CDC42EP4: variants seen among roughly 807,000 people sequenced by gnomAD.
The protein encoded by CDC42EP4 is CDC42 effector protein (Rho GTPase binding) 4.
Under a neutral mutation model 5.6 loss-of-function variants are expected in CDC42EP4, and 6 were observed. That is an observed-to-expected ratio of 1.07 (90% confidence interval 0.59 to 2.12). The LOEUF is 2.12. CDC42EP4 is among the 30% of genes most tolerant of loss of function. The probability of loss-of-function intolerance (pLI) is 0.00; values close to 1 mark genes in which losing one functional copy is unlikely to be tolerated. For missense variants in CDC42EP4, 490 were observed against 508.6 expected (o/e 0.96, Z 0.35); for synonymous variants, 230 against 224.2 (o/e 1.03, Z -0.23).
chr17:73,285,592 G>T lies in CDC42EP4; in HGVS notation c.909C>A (p.Thr303=). The T allele has an allele frequency of 6.2e-7, 1 of 1,610,506 alleles. No individual in the cohort carries two copies. The highest frequency in any genetic ancestry group is 8.5e-7 in the Non-Finnish European group (1 of 1,178,622). ...TGGAGAGGGAGCTGCTGTCCCGTGT[G>T]GTGTGGCTGCCCATGCTGCGGGCTG... ...PGSARSMGSH[T]TRDSSSLSSC... is the part of the protein sequence containing the mutation. Residue 303 remains threonine, a synonymous_variant, in exon 2 of 2, where the codon ACC becomes ACA. Coordinates refer to ENST00000335793, the MANE Select transcript of CDC42EP4 (RefSeq NM_012121.5). The surrounding 1 kb of genome is among the most constrained non-coding windows in gnomAD (Gnocchi z 6.8).
At chr17:73,307,931 G>A (rs1028778539) in intron 1 of CDC42EP4, among the ~76,000 whole-genome samples, 3 of 150,850 alleles carry the variant, frequency 2.0e-5, no homozygotes, top group Non-Finnish European at 4.4e-5. Context: ...TAGTAGAGAC[G>A]GGGTTTCACC....
At chr17:73,293,793 G>A (rs1568342196) in intron 1 of CDC42EP4, among the ~76,000 whole-genome samples, 1 of 152,216 alleles carries the variant, frequency 6.6e-6, no homozygotes, top group East Asian at 1.9e-4. Context: ...GGAAGACTGT[G>A]TTTCATTCAA....
rs2062118933 is a variant in CDC42EP4 at position 73,284,501 on chromosome 17, GGT to G, written c.*927_*928del. On this transcript the variant is annotated 3_prime_UTR_variant, in exon 2 of 2. Transcript: ENST00000335793. ...AGTTGGGAAGCACTAAAGTTGAGCT[GGT>G]GTCTTTGCCACGGATGTCCCCAGAC... is the stretch of plus-strand genomic sequence containing the variant. 1 of 152,108 alleles carries G rather than the reference GGT, an allele frequency of 6.6e-6. No individual in the cohort carries two copies. The highest frequency in any genetic ancestry group is 1.5e-5 in the Non-Finnish European group (1 of 68,020). The allele number at this position is 152,108 out of a possible 1,614,324, so 9.4% of individuals were successfully genotyped here.
intron 1 of CDC42EP4, among the ~76,000 whole-genome samples, chr17:73,294,345 C>G (rs2062174907): frequency 2.3e-5 from 1 of 44,196 alleles, no homozygotes; most frequent in South Asian, 1.5e-3. Flanking sequence ...GAGCAAGATT[C>G]TGTCTCAAAA....
chr17:73,295,649 T>A (rs2062180566), intron 1 of CDC42EP4, among the ~76,000 whole-genome samples: 1 of 152,168 alleles, frequency 6.6e-6, no homozygotes, highest in African/African-American at 2.4e-5. Flanking sequence ...ATGCCTGTAA[T>A]CCCAGCACTT....
In CDC42EP4 at chr17:73,289,516, T is replaced by C. The variant is rs182271047; in HGVS notation, c.-112-2904A>G. Among the ~76,000 whole-genome samples the C allele has an allele frequency of 2.4e-3, 364 of 151,466 alleles. 9 individuals carry two copies. Among genetic ancestry groups the C allele is most frequent in the Admixed American group, 0.024 (359 of 15,164 alleles). On this transcript the variant is annotated intron_variant, in intron 1 of 1. Transcript: ENST00000335793. ...TTGACCCCACGCATCCTCATGCAGC[T>C]CTTCCGTTTGGCTGTTCCTGAGTCG...
intron 1 of CDC42EP4, chr17:73,309,942 C>G (rs1279913996): frequency 1.3e-5 from 2 of 152,530 alleles, no homozygotes; most frequent in African/African-American, 4.8e-5. Context: ...CCCCACTAAT[C>G]AGTCAGTCAC....
intron 1 of CDC42EP4, among the ~76,000 whole-genome samples, chr17:73,297,001 A>AAAAAAAAAAAAAAAAAAAAAAAAAAC (rs547362762): frequency 1.6e-5 from 1 of 61,734 alleles, no homozygotes; most frequent in Non-Finnish European, 3.3e-5. Context: ...AAAAAAAAAA[A>AAAAAAAAAAAAAAAAAAAAAAAAAAC]AAATACACAA....
At chr17:73,292,213 G>A (rs2145312198) in intron 1 of CDC42EP4, among the ~76,000 whole-genome samples, 1 of 152,374 alleles carries the variant, frequency 6.6e-6, no homozygotes, top group East Asian at 1.9e-4. Context: ...CTCCGCCACT[G>A]CTGCTGGGCA....
At chr17:73,294,495 G>T (rs1411472129) in intron 1 of CDC42EP4, among the ~76,000 whole-genome samples, 1 of 152,124 alleles carries the variant, frequency 6.6e-6, no homozygotes, top group Non-Finnish European at 1.5e-5. Flanking sequence ...CTTTCAAGAT[G>T]GAAAGACCAA....
At chr17:73,307,760 CTTTTTTTT>C (rs539543636) in intron 1 of CDC42EP4, among the ~76,000 whole-genome samples, 1 of 107,184 alleles carries the variant, frequency 9.3e-6, no homozygotes, top group African/African-American at 3.7e-5. Context: ...GAATTTCTCT[CTTTTTTTT>C]TTTTTTTTTT....
Position 73,285,173 on chromosome 17 carries a change from C to T in CDC42EP4, c.*257G>A. The T allele has an allele frequency of 2.9e-6, 1 of 343,552 alleles. No individual in the cohort carries two copies. The highest frequency in any genetic ancestry group is 5.3e-6 in the Non-Finnish European group (1 of 188,826). The allele number at this position is 343,552 out of a possible 1,614,324, so 21.3% of individuals were successfully genotyped here. On this transcript the variant is annotated 3_prime_UTR_variant, in exon 2 of 2. Transcript: ENST00000335793. This position sits in a 1 kb window ranked among gnomAD's most constrained non-coding sequence, Gnocchi z 6.8. ...AGAGGAAAACCTATTCCTGCTGTGA[C>T]AACACAGCCCTTGTCCCACGCAGCC...
intron 1 of CDC42EP4, among the ~76,000 whole-genome samples, chr17:73,308,790 T>C (rs1287469015): frequency 6.6e-6 from 1 of 151,898 alleles, no homozygotes; most frequent in Non-Finnish European, 1.5e-5. Context: ...ATCCCGGCTC[T>C]TGGGGAGGCC....
At chr17:73,290,306 G>A (rs892229474) in intron 1 of CDC42EP4, among the ~76,000 whole-genome samples, 11 of 152,204 alleles carry the variant, frequency 7.2e-5, no homozygotes, top group Admixed American at 5.2e-4. Flanking sequence ...CAGCTCTGGC[G>A]GCGGCATTGC....
At chr17:73,306,597 C>G (rs969666171) in intron 1 of CDC42EP4, 1 of 152,244 alleles carries the variant, frequency 6.6e-6, no homozygotes, top group African/African-American at 2.4e-5. Context: ...TTAGAGGTAA[C>G]CACAAATCGT....
intron 1 of CDC42EP4, among the ~76,000 whole-genome samples, chr17:73,287,250 C>A (rs896760969): frequency 6.6e-6 from 1 of 152,214 alleles, no homozygotes; most frequent in Non-Finnish European, 1.5e-5. Flanking sequence ...ACCAGCTCCC[C>A]AGCCTTTCAG....
chr17:73,283,717 C>T lies in CDC42EP4; in HGVS notation c.*1713G>A, dbSNP rs536. 59,256 of 152,082 alleles carry T rather than the reference C, an allele frequency of 0.39. 11,713 individuals carry two copies. The highest frequency in any genetic ancestry group is 0.52 in the South Asian group (2,496 of 4,822). 9.4% of individuals were successfully genotyped at this position (152,082 alleles called of 1,614,324 possible). A position where few individuals can be genotyped will look rare whatever the true frequency, so the allele number is the denominator to read the frequency against. On this transcript the variant is annotated 3_prime_UTR_variant, in exon 2 of 2. Coordinates refer to ENST00000335793, the MANE Select transcript of CDC42EP4 (RefSeq NM_012121.5). ...ATCTGGAATTGGCCTGGACGGGATT[C>T]GAGGGCAGCTGGCGGGGGCTGCATA...
intron 1 of CDC42EP4, among the ~76,000 whole-genome samples, chr17:73,305,281 T>A (rs1317091365): frequency 1.3e-5 from 2 of 152,238 alleles, no homozygotes; most frequent in African/African-American, 4.8e-5. Context: ...GCAGGATGGA[T>A]GCCTGGTGGG....
chr17:73,294,180 ATC>A (rs1243989518), intron 1 of CDC42EP4, among the ~76,000 whole-genome samples: 1 of 152,112 alleles, frequency 6.6e-6, no homozygotes, highest in Non-Finnish European at 1.5e-5. Flanking sequence ...GTGAAACCCC[ATC>A]TCCACTAAAA....
Sources: gnomAD v4.1 joint callset for allele counts (sites outside exome capture counted in the v4.1 genomes callset) on GRCh38, gnomAD v4.1.1 for gene constraint, Gnocchi (gnomAD v3.1) non-coding constraint, MANE v1.5 for transcripts, NCBI Gene and HGNC (gene_info 2026-07-23, HGNC 2026-07-21) for gene names.